Variants in CDC16 observed in about 807,000 individuals in gnomAD.
CDC16 encodes the protein cell division cycle 16, also known as cell division cycle protein 16 homolog.
A neutral mutation model predicts 87.0 loss-of-function variants in CDC16; 34 were observed. The observed-to-expected ratio is 0.39, with a 90% CI of 0.30 to 0.52. The LOEUF is 0.52. Among genes scored for constraint, CDC16 ranks in the 20% least tolerant of loss-of-function variants. The probability of loss-of-function intolerance (pLI) is 0.74; values close to 1 mark genes in which losing one functional copy is unlikely to be tolerated. For missense variants in CDC16, 653 were observed against 751.9 expected, an observed-to-expected ratio of 0.87 and a Z score of 1.54; for synonymous variants, 263 against 260.6, an observed-to-expected ratio of 1.01 and a Z score of -0.09.
intron 8 of CDC16, among the ~76,000 whole-genome samples, 189 bp downstream of exon 8, chr13:114,244,178 G>A (rs145132276): frequency 1.2e-4 from 19 of 152,306 alleles, no homozygotes; most frequent in Admixed American, 6.5e-5. Context: ...GTGCATATTT[G>A]TAGATTTATT....
intron 12 of CDC16, among the ~76,000 whole-genome samples, chr13:114,253,793 T>C (rs561872424): frequency 2.4e-4 from 37 of 152,342 alleles, no homozygotes; most frequent in African/African-American, 7.9e-4. Flanking sequence ...AAGTGTTCCA[T>C]AGATACCTGT....
chr13:114,262,287 T>G (rs1227861875), intron 15 of CDC16, among the ~76,000 whole-genome samples: 4 of 152,160 alleles, frequency 2.6e-5, no homozygotes, highest in Non-Finnish European at 5.9e-5. Context: ...GAAAAATGGG[T>G]TTTTTGGTTA....
chr13:114,260,297 T>C (rs17338207), intron 14 of CDC16, among the ~76,000 whole-genome samples: 3,776 of 152,340 alleles, frequency 0.025, 157 homozygotes, highest in African/African-American at 0.086. Flanking sequence ...TGTTTGCACA[T>C]GCGTGTATAT....
chr13:114,252,141 T>C (rs17338131), intron 12 of CDC16, among the ~76,000 whole-genome samples: 1,688 of 148,804 alleles, frequency 0.011, 17 homozygotes, highest in African/African-American at 0.04. Flanking sequence ...ACACTAGCCC[T>C]GTTGGATAAG....
At chr13:114,271,917 C>T (rs992898521) in intron 17 of CDC16, among the ~76,000 whole-genome samples, 4 of 152,238 alleles carry the variant, frequency 2.6e-5, no homozygotes, top group Non-Finnish European at 1.5e-5. Context: ...AGTCTTCTGA[C>T]ACTTCCTTTG....
rs2082701431 is a variant in CDC16 at position 114,259,324 on chromosome 13, T to A, written c.1251-11T>A. 2 of 1,564,892 alleles carry A rather than the reference T, an allele frequency of 1.3e-6. No individual in the cohort carries two copies. The highest frequency in any genetic ancestry group is 1.7e-6 in the Non-Finnish European group (2 of 1,166,002). On this transcript the variant is annotated splice_polypyrimidine_tract_variant and intron_variant, in intron 13 of 17. Coordinates refer to ENST00000356221, the MANE Select transcript of CDC16 (RefSeq NM_001078645.3). ...TCGAATAATCTGCAACCTTTTTTCC[T>A]TTCATTTTAGATGGAAAACAGCCGA...
rs2081938130 is a variant in CDC16, at chr13:114,247,505, G to T, written c.971+501G>T. 2.0e-5 allele frequency among the ~76,000 whole-genome samples: 3 copies of T among 151,644 alleles called. No individual in the cohort carries two copies. The South Asian group carries it at 6.3e-4, about 32-fold the overall frequency. ...TCTTCAAGTGGTTTGTTCTTTATAA[G>T]ATGCCATGGGGAGAGAGAGAAAAAA... On this transcript the variant is annotated intron_variant, in intron 11 of 17. Transcript: ENST00000356221.
intron 15 of CDC16, among the ~76,000 whole-genome samples, chr13:114,262,460 G>C (rs573951151): frequency 1.3e-5 from 2 of 152,314 alleles, no homozygotes; most frequent in South Asian, 4.1e-4. Context: ...AAGTATTCCA[G>C]AGAACTTTAA....
chr13:114,242,168 A>C lies in CDC16; in HGVS notation c.429A>C (p.Leu143=). The change falls in exon 6 of 18, where the codon CTA becomes CTC. Residue 143 remains leucine (L), a synonymous_variant. Coordinates refer to ENST00000356221, the MANE Select transcript of CDC16 (RefSeq NM_001078645.3). ...CLLRGKIYDA[L]DNRTLATYSY... is the part of the protein sequence containing the mutation. ...TACGCGGGAAAATCTATGATGCTCT[A>C]GATAACCGAACCCTGGCTACCTACA... is the stretch of plus-strand genomic sequence containing the variant. The C allele has an allele frequency of 6.2e-7, 1 of 1,613,834 alleles. No homozygotes were observed. The highest frequency in any genetic ancestry group is 8.5e-7 in the Non-Finnish European group (1 of 1,179,920).
At chr13:114,258,477 G>GT (rs1384970136) in intron 13 of CDC16, among the ~76,000 whole-genome samples, 1 of 152,074 alleles carries the variant, frequency 6.6e-6, no homozygotes, top group Non-Finnish European at 1.5e-5. Flanking sequence ...TGATTTCACT[G>GT]TTTTGAAATA....
chr13:114,261,654 G>C (rs1054685293), intron 14 of CDC16, among the ~76,000 whole-genome samples: 4 of 152,136 alleles, frequency 2.6e-5, no homozygotes, highest in African/African-American at 9.7e-5. Context: ...TTGAACTCCA[G>C]CAGGGATAGG....
In CDC16 at chr13:114,272,410, G is replaced by A. The variant is rs2083747458; in HGVS notation, c.1830G>A (p.Met610Ile). ...FEIEMNESDM[M>I]LETSMSDHST ...TTGAAATGAATGAAAGTGACATGAT[G>A]TTAGAGACATCTATGTCAGACCACA... The change falls in exon 18 of 18, where the codon ATG (methionine) becomes ATA (isoleucine). Residue 610 changes from methionine (M) to isoleucine (I), a missense_variant. Transcript: ENST00000356221. 1 of 1,613,846 alleles carries A rather than the reference G, an allele frequency of 6.2e-7. No homozygotes were observed. Among genetic ancestry groups the A allele is most frequent in the Non-Finnish European group, 8.5e-7 (1 of 1,179,680 alleles).
intron 6 of CDC16, 35 bp from the exon 7 acceptor site, chr13:114,243,222 A>G (rs749810291): frequency 1.1e-6 from 1 of 927,538 alleles, no homozygotes; most frequent in Non-Finnish European, 1.8e-6. Flanking sequence ...TATAAATATT[A>G]TGAGGATATT....
At chr13:114,244,818 A>T in intron 8 of CDC16, 72 bp from the exon 9 acceptor site, 1 of 873,788 alleles carries the variant, frequency 1.1e-6, no homozygotes, top group Non-Finnish European at 1.9e-6. Flanking sequence ...ATGACTGTCT[A>T]CACATAGCCG....
intron 13 of CDC16, among the ~76,000 whole-genome samples, chr13:114,257,581 A>G (rs2082584177): frequency 1.3e-5 from 2 of 152,284 alleles, no homozygotes; most frequent in East Asian, 1.9e-4. Context: ...AGAATTTGAC[A>G]TGGTTTTTGA....
rs1487346456 is a variant in CDC16, at chr13:114,262,996, T to C, written c.1494T>C (p.Ala498=). 1 of 1,613,906 alleles carries C rather than the reference T, an allele frequency of 6.2e-7. No homozygotes were observed. Among genetic ancestry groups the C allele is most frequent in the African/African-American group, 1.3e-5 (1 of 74,950 alleles). ...IHSLMGNFEN[A]VDYFHTALGL... ...GTCTGATGGGCAACTTTGAAAATGC[T>C]GTGGACTACTTCCACACAGTATGTC... The change falls in exon 16 of 18, where the codon GCT becomes GCC. Residue 498 remains alanine, a synonymous_variant. Transcript: ENST00000356221.
In CDC16 at chr13:114,257,076, AG is replaced by A; in HGVS notation, c.1098del. The A allele has an allele frequency of 6.6e-7, 1 of 1,524,400 alleles. No individual in the cohort carries two copies. Among genetic ancestry groups the A allele is most frequent in the Non-Finnish European group, 8.9e-7 (1 of 1,125,108 alleles). 94.4% of individuals were successfully genotyped at this position (1,524,400 alleles called of 1,614,324 possible). A position where few individuals can be genotyped will look rare whatever the true frequency, so the allele number is the denominator to read the frequency against. Reference sequence around the variant, plus strand: ...AATATGTGAAATTTTCCAATTTTTTAGGTGTCATTTGCCTATGCTGTATATT... The same window carrying A: ...AATATGTGAAATTTTCCAATTTTTTAGTGTCATTTGCCTATGCTGTATATT... On this transcript the variant is annotated splice_acceptor_variant, in intron 12 of 17. Coordinates refer to ENST00000356221, the MANE Select transcript of CDC16 (RefSeq NM_001078645.3). LOFTEE classifies it high-confidence loss of function.
At chr13:114,242,357 T>C (rs564213212) in intron 6 of CDC16, 77 bp downstream of exon 6, 1 of 1,362,444 alleles carries the variant, frequency 7.3e-7, no homozygotes, top group African/African-American at 1.5e-5. Flanking sequence ...TGAAATCTTC[T>C]AAGTCAACAA....
chr13:114,235,026 G>A lies in CDC16; in HGVS notation c.-59G>A, dbSNP rs115279217. On this transcript the variant is annotated 5_prime_UTR_variant, in exon 1 of 18. Transcript: ENST00000356221. ...GCACGGGCACGGGGCGGGGTGCTTA[G>A]GGTGCAGGAGGCGCGCGCCTAGCGG... The A allele has an allele frequency of 1.8e-3, 2,213 of 1,225,342 alleles. 25 individuals are homozygous for A. In the African/African-American group the frequency reaches 0.03, roughly 16 times the overall value. 75.9% of individuals were successfully genotyped at this position (1,225,342 alleles called of 1,614,324 possible). A position where few individuals can be genotyped will look rare whatever the true frequency, so the allele number is the denominator to read the frequency against.
Sources: gnomAD v4.1 joint callset for allele counts (sites outside exome capture counted in the v4.1 genomes callset) on GRCh38, gnomAD v4.1.1 for gene constraint, MANE v1.5 for transcripts, NCBI Gene and HGNC (gene_info 2026-07-23, HGNC 2026-07-21) for gene names.